Variants in EDAR observed in about 807,000 individuals in gnomAD.
The protein encoded by EDAR is tumor necrosis factor receptor superfamily member EDAR.
EDAR carries 38 observed loss-of-function variants against 51.3 expected under a neutral mutation model. That is an observed-to-expected ratio of 0.74 (90% CI 0.57 to 0.97). The LOEUF (loss-of-function observed/expected upper bound fraction) is 0.97, where lower values mean the gene tolerates loss of function less well. EDAR is among the 50% of genes least tolerant of loss of function. The pLI is 0.00. For synonymous variants in EDAR, 227 were observed against 242.1 expected (o/e 0.94, Z 0.58); for missense variants, 528 against 595.0 (o/e 0.89, Z 1.17).
At chr2:108,941,005 C>T (rs1377208672) in intron 1 of EDAR, among the ~76,000 whole-genome samples, 1 of 152,170 alleles carries the variant, frequency 6.6e-6, no homozygotes, top group Non-Finnish European at 1.5e-5. Context: ...TCTCTTGCGC[C>T]CTTGATCATC....
chr2:108,933,999 CTAATT>C (rs1424648320), intron 1 of EDAR, among the ~76,000 whole-genome samples: 1 of 152,264 alleles, frequency 6.6e-6, no homozygotes, highest in East Asian at 1.9e-4. Context: ...TGAATGGTTT[CTAATT>C]TAATTGACTT....
chr2:108,972,969 AT>A (rs1262573908), intron 1 of EDAR, among the ~76,000 whole-genome samples: 1 of 151,926 alleles, frequency 6.6e-6, no homozygotes, highest in African/African-American at 2.4e-5. Context: ...GCAGGTGTTT[AT>A]TTTTTTATTT....
rs1026917323 is a variant in EDAR at position 108,958,604 on chromosome 2, C to A, written c.-18-27572G>T. 9.2e-5 allele frequency among the ~76,000 whole-genome samples: 14 copies of A among 152,268 alleles called. No homozygotes were observed. The South Asian group carries it at 2.1e-3, about 23-fold the overall frequency. On this transcript the variant is annotated intron_variant, in intron 1 of 11. Coordinates refer to ENST00000258443, the MANE Select transcript of EDAR (RefSeq NM_022336.4). ...AGGGCACCCCATGGCCGCCCTATTG[C>A]TCGGGACAGCTAGCTCCCTTAGCAA...
intron 1 of EDAR, among the ~76,000 whole-genome samples, chr2:108,935,583 G>A (rs1033560625): frequency 2.6e-5 from 4 of 152,118 alleles, no homozygotes; most frequent in African/African-American, 7.2e-5. Context: ...CCTTGGCTGG[G>A]TCTCTCCCTC....
chr2:108,919,512 C>T (rs149783495), intron 5 of EDAR, among the ~76,000 whole-genome samples: 1,583 of 152,230 alleles, frequency 0.01, 25 homozygotes, highest in African/African-American at 0.036. Context: ...GCAGGCACCA[C>T]CACGCCCAGC....
At chr2:108,919,122 G>A (rs929728765) in intron 5 of EDAR, among the ~76,000 whole-genome samples, 3 of 152,166 alleles carry the variant, frequency 2.0e-5, no homozygotes, top group Non-Finnish European at 2.9e-5. Flanking sequence ...GCAACTGAGC[G>A]CCGGTGTCTG....
Position 108,897,217 on chromosome 2 carries a change from G to A in EDAR, c.1037C>T (p.Thr346Met), listed in dbSNP as rs150887314. The A allele has an allele frequency of 1.1e-4, 183 of 1,613,710 alleles. No individual in the cohort carries two copies. The African/African-American group carries it at 2.0e-3, about 17-fold the overall frequency. ...VCGVVEGLSP[T>M]ELPFDCLEKT... ...CTCGAGGCAATCAAATGGCAGCTCC[G>A]TGGGGCTAAGACCTACAGACACCAA... Residue 346 changes from threonine to methionine, a missense_variant, in exon 12 of 12, where the codon ACG becomes ATG. Transcript: ENST00000258443.
At chr2:108,925,506 G>C (rs1233721327) in intron 4 of EDAR, among the ~76,000 whole-genome samples, 1 of 152,216 alleles carries the variant, frequency 6.6e-6, no homozygotes, top group Non-Finnish European at 1.5e-5. Context: ...CTTGTCCTGG[G>C]CACGAGGCAC....
chr2:108,958,800 G>A (rs1001589336), intron 1 of EDAR, among the ~76,000 whole-genome samples: 1 of 119,176 alleles, frequency 8.4e-6, no homozygotes, highest in Non-Finnish European at 1.5e-5. Flanking sequence ...AATGAATTCT[G>A]TTGAATGTTA....
At chr2:108,979,475 A>T (rs867021169) in intron 1 of EDAR, among the ~76,000 whole-genome samples, 5,780 of 148,818 alleles carry the variant, frequency 0.039, 213 homozygotes, top group East Asian at 0.09. Flanking sequence ...TCTCACACAC[A>T]CACACACACA....
At chr2:108,910,362 G>T in intron 9 of EDAR, 98 bp downstream of exon 9, 1 of 984,756 alleles carries the variant, frequency 1.0e-6, no homozygotes. Flanking sequence ...AGTGTCCCAG[G>T]CTAGCCTGTC....
intron 11 of EDAR, among the ~76,000 whole-genome samples, chr2:108,901,472 A>T (rs565470161): frequency 6.6e-6 from 1 of 152,342 alleles, no homozygotes; most frequent in South Asian, 2.1e-4. Context: ...TAATTTAGAA[A>T]TAAGAGCAGT....
intron 1 of EDAR, among the ~76,000 whole-genome samples, chr2:108,941,027 C>T (rs565685687): frequency 4.7e-4 from 71 of 152,182 alleles, no homozygotes; most frequent in Non-Finnish European, 7.9e-4. Flanking sequence ...ATCTGCCCCA[C>T]GCTGGGCTGT....
intron 11 of EDAR, among the ~76,000 whole-genome samples, chr2:108,899,713 C>T (rs761770247): frequency 5.9e-5 from 9 of 152,266 alleles, no homozygotes; most frequent in Non-Finnish European, 8.8e-5. Context: ...AGGCTGGGCA[C>T]GGTGGCTCAC....
intron 1 of EDAR, among the ~76,000 whole-genome samples, chr2:108,955,699 C>A (rs1025741952): frequency 2.6e-5 from 4 of 151,934 alleles, no homozygotes; most frequent in African/African-American, 4.8e-5. Flanking sequence ...GAGTGAGACT[C>A]TGTCTCAAAA....
intron 1 of EDAR, among the ~76,000 whole-genome samples, chr2:108,959,887 T>G (rs1698005766): frequency 6.6e-6 from 1 of 151,944 alleles, no homozygotes; most frequent in Non-Finnish European, 1.5e-5. Context: ...CACACACATA[T>G]CCAAGTGAAA....
intron 1 of EDAR, among the ~76,000 whole-genome samples, chr2:108,983,701 G>A (rs769194222): frequency 2.6e-5 from 4 of 152,238 alleles, no homozygotes. Context: ...AAACTTTCCA[G>A]GTGCTGGTGG....
chr2:108,908,857 C>T (rs1355618202), intron 9 of EDAR, among the ~76,000 whole-genome samples: 1 of 152,036 alleles, frequency 6.6e-6, no homozygotes, highest in Non-Finnish European at 1.5e-5. Context: ...CAAACACAAC[C>T]CTAGAGACAG....
intron 1 of EDAR, among the ~76,000 whole-genome samples, chr2:108,953,317 G>A (rs943276267): frequency 2.0e-5 from 3 of 152,058 alleles, no homozygotes; most frequent in Non-Finnish European, 4.4e-5. Context: ...AAGACCCACC[G>A]GTAAACTTCA....
Sources: allele counts gnomAD v4.1 joint callset (sites outside exome capture counted in the v4.1 genomes callset), GRCh38; gene constraint gnomAD v4.1.1; transcripts MANE v1.5; gene names NCBI Gene and HGNC (gene_info 2026-07-23, HGNC 2026-07-21).